The following CSMD1 variants were observed in gnomAD, a reference collection of about 807,000 sequenced individuals.
CSMD1 encodes CUB and Sushi multiple domains 1.
Under a neutral mutation model 417.5 loss-of-function variants are expected in CSMD1, and 213 were observed. That is an observed-to-expected ratio of 0.51 (90% CI 0.46 to 0.57). CSMD1 has a LOEUF of 0.57. CSMD1 is among the 20% of genes least tolerant of loss of function. The pLI is 0.00. For synonymous variants in CSMD1, 2,862 were observed against 1,736.8 expected, an observed-to-expected ratio of 1.65 and a Z score of -16.11; for missense variants, 6,923 against 4,529.7, an observed-to-expected ratio of 1.53 and a Z score of -15.17.
intron 12 of CSMD1, among the ~76,000 whole-genome samples, chr8:3,436,672 T>C (rs1463409246): frequency 1.3e-5 from 2 of 152,198 alleles, no homozygotes; most frequent in Non-Finnish European, 2.9e-5. Context: ...GTGAGTCTTG[T>C]ATTGTTCTAT....
At chr8:3,373,554 G>C (rs1350119925) in intron 18 of CSMD1, 1 of 152,176 alleles carries the variant, frequency 6.6e-6, no homozygotes, top group Admixed American at 6.5e-5. Context: ...TTGAAGTGAG[G>C]AGATGAGAGA....
intron 3 of CSMD1, among the ~76,000 whole-genome samples, chr8:4,126,954 G>C (rs1374180248): frequency 2.0e-5 from 3 of 151,924 alleles, no homozygotes; most frequent in African/African-American, 4.8e-5. Context: ...CTGCAGGTGA[G>C]GACCTACACT....
chr8:4,164,030 G>C (rs1037759984), intron 3 of CSMD1, among the ~76,000 whole-genome samples: 1 of 151,998 alleles, frequency 6.6e-6, no homozygotes, highest in Non-Finnish European at 1.5e-5. Context: ...GTAAGCTGTT[G>C]GTACATGTGT....
chr8:3,585,444 C>T (rs990087350), intron 9 of CSMD1, among the ~76,000 whole-genome samples: 2 of 152,090 alleles, frequency 1.3e-5, no homozygotes, highest in Non-Finnish European at 2.9e-5. Context: ...AACAAAACCT[C>T]CAAACCCAGC....
chr8:3,381,446 T>C (rs1810619697), intron 18 of CSMD1, among the ~76,000 whole-genome samples: 2 of 152,298 alleles, frequency 1.3e-5, no homozygotes, highest in Admixed American at 6.5e-5. Flanking sequence ...ACTTATTCTA[T>C]TGCAAATTTA....
intron 2 of CSMD1, among the ~76,000 whole-genome samples, chr8:4,629,636 G>A (rs905596506): frequency 6.6e-6 from 1 of 152,060 alleles, no homozygotes; most frequent in Non-Finnish European, 1.5e-5. Flanking sequence ...TCTAAATTAC[G>A]TGTCCTGCCT....
chr8:3,083,032 G>C (rs1184453434), intron 49 of CSMD1, among the ~76,000 whole-genome samples: 2 of 152,144 alleles, frequency 1.3e-5, no homozygotes, highest in Non-Finnish European at 2.9e-5. Context: ...TTCCCACGTG[G>C]AGTTCTAAAC....
chr8:3,739,320 T>C (rs1163301157), intron 6 of CSMD1, among the ~76,000 whole-genome samples: 7 of 152,232 alleles, frequency 4.6e-5, no homozygotes, highest in African/African-American at 1.7e-4. Flanking sequence ...ACAGGATGAA[T>C]CTGTTCTAGT....
At chr8:4,759,032 G>A (rs764251439) in intron 1 of CSMD1, among the ~76,000 whole-genome samples, 12 of 152,184 alleles carry the variant, frequency 7.9e-5, no homozygotes, top group Admixed American at 2.0e-4. Context: ...AAACAGATGC[G>A]GAGATGGAGT....
rs1023243708 is a variant in CSMD1, at chr8:4,373,391, C to G, written c.415+46562G>C. On this transcript the variant is annotated intron_variant, in intron 3 of 69. Transcript: ENST00000635120. ...TTATTAACTGCAACAAATGTGCCAC[C>G]AGAATATAAAATGTTAACAACAGAG... is the stretch of plus-strand genomic sequence containing the variant. 2.6e-5 allele frequency among the ~76,000 whole-genome samples: 4 copies of G among 152,230 alleles called. No homozygotes were observed. The East Asian group carries it at 7.7e-4, about 29-fold the overall frequency.
intron 5 of CSMD1, among the ~76,000 whole-genome samples, chr8:3,800,782 G>A (rs1800412604): frequency 6.6e-6 from 1 of 152,014 alleles, no homozygotes; most frequent in Non-Finnish European, 1.5e-5. Context: ...CCCTCCTCAT[G>A]TTTGGCTGTA....
intron 7 of CSMD1, among the ~76,000 whole-genome samples, chr8:3,656,620 GCTGT>G (rs1255436116): frequency 2.0e-5 from 3 of 152,130 alleles, no homozygotes; most frequent in Non-Finnish European, 4.4e-5. Context: ...TGCTGGTGCA[GCTGT>G]CTTTCTATTA....
intron 4 of CSMD1, among the ~76,000 whole-genome samples, chr8:4,029,784 C>A (rs994017061): frequency 6.6e-6 from 1 of 152,162 alleles, no homozygotes; most frequent in Non-Finnish European, 1.5e-5. Flanking sequence ...TGAGACAAAA[C>A]AAGTATCTTC....
intron 26 of CSMD1, among the ~76,000 whole-genome samples, chr8:3,241,317 G>A (rs1799500505): frequency 1.3e-5 from 2 of 151,534 alleles, no homozygotes; most frequent in South Asian, 4.2e-4. Context: ...CAACAGTTAT[G>A]GAGGCAAGGG....
rs1554468016 is a variant in CSMD1 at position 4,142,991 on chromosome 8, G to GAA, written c.416-110894_416-110893dup. 5.0e-4 allele frequency among the ~76,000 whole-genome samples: 61 copies of GAA among 120,804 alleles called. No homozygotes were observed. In the East Asian group the frequency reaches 1.0e-2, roughly 20 times the overall value. 79.3% of individuals were successfully genotyped at this position (120,804 alleles called of 152,430 possible). ...CAGATGCTTAGTTTTCAAACTGATT[G>GAA]AAAAAAAAAAAATGCTCTCCATTTA... On this transcript the variant is annotated intron_variant, in intron 3 of 69. Transcript: ENST00000635120.
At chr8:4,552,431 G>A (rs1486717232) in intron 2 of CSMD1, among the ~76,000 whole-genome samples, 2 of 151,656 alleles carry the variant, frequency 1.3e-5, no homozygotes, top group Non-Finnish European at 2.9e-5. Context: ...ATCTCCTATT[G>A]GTTCAACAAT....
intron 12 of CSMD1, among the ~76,000 whole-genome samples, chr8:3,442,428 G>A (rs1008165020): frequency 1.3e-5 from 2 of 152,072 alleles, no homozygotes; most frequent in Non-Finnish European, 2.9e-5. Context: ...ACCTTATACA[G>A]ATGTCCCACT....
At chr8:3,275,044 C>A (rs553060250) in intron 26 of CSMD1, among the ~76,000 whole-genome samples, 3 of 152,258 alleles carry the variant, frequency 2.0e-5, no homozygotes, top group Non-Finnish European at 4.4e-5. Flanking sequence ...TACAATTTGG[C>A]ATGATTTTGC....
intron 10 of CSMD1, among the ~76,000 whole-genome samples, chr8:3,509,333 C>T (rs773872201): frequency 3.9e-5 from 6 of 152,152 alleles, no homozygotes; most frequent in African/African-American, 7.2e-5. Flanking sequence ...AATCATTTTA[C>T]GTTCACTGTT....
Sources: allele counts gnomAD v4.1 joint callset (sites outside exome capture counted in the v4.1 genomes callset), GRCh38; gene constraint gnomAD v4.1.1; transcripts MANE v1.5; gene names NCBI Gene and HGNC (gene_info 2026-07-23, HGNC 2026-07-21).